Variants in AFG1L observed in about 807,000 individuals in gnomAD.
The protein encoded by AFG1L is AFG1 like ATPase.
In AFG1L, 53 loss-of-function variants were observed where a neutral mutation model predicts 62.2. That is an observed-to-expected ratio of 0.85 (90% CI 0.68 to 1.07). The LOEUF (loss-of-function observed/expected upper bound fraction) is 1.07. Among genes scored for constraint, AFG1L ranks in the 50% least tolerant of loss-of-function variants. AFG1L has a pLI of 0.00. For missense variants in AFG1L, 555 were observed against 590.5 expected (o/e 0.94, Z 0.62); for synonymous variants, 228 against 210.3 (o/e 1.08, Z -0.73).
chr6:108,379,236 C>T (rs1780389559), intron 6 of AFG1L, among the ~76,000 whole-genome samples: 1 of 152,006 alleles, frequency 6.6e-6, no homozygotes, highest in African/African-American at 2.4e-5. Flanking sequence ...GTCTTGATCT[C>T]CTGACCCAAG....
chr6:108,515,848 T>C (rs1774861363), intron 11 of AFG1L, among the ~76,000 whole-genome samples: 1 of 152,140 alleles, frequency 6.6e-6, no homozygotes, highest in Non-Finnish European at 1.5e-5. Context: ...AAATACAAAC[T>C]ACCATCAGAG....
rs74336401 is a variant in AFG1L, at chr6:108,435,679, T to A, written c.808-11535T>A. Among the ~76,000 whole-genome samples the A allele has an allele frequency of 9.0e-3, 1,367 of 152,220 alleles. 12 individuals carry two copies. The highest frequency in any genetic ancestry group is 0.013 in the Non-Finnish European group (894 of 68,018). ...TCAGGGTGTGGGTAATGAGACCTGATGATGAGTAGGTAGAGATGGGCTGTG... is the reference window on the plus strand; with the variant it reads ...TCAGGGTGTGGGTAATGAGACCTGAAGATGAGTAGGTAGAGATGGGCTGTG... On this transcript the variant is annotated intron_variant, in intron 7 of 12. Coordinates refer to ENST00000368977, the MANE Select transcript of AFG1L (RefSeq NM_145315.5).
chr6:108,524,246 G>A lies in AFG1L; in HGVS notation c.*1821G>A, dbSNP rs1775239870. On this transcript the variant is annotated 3_prime_UTR_variant, in exon 13 of 13. Coordinates refer to ENST00000368977, the MANE Select transcript of AFG1L (RefSeq NM_145315.5). ...ATAAAATGTTTAACTTTATTCTTTA[G>A]ATCTTAGCTTTTTACTTTTCACATT... 1 of 152,116 alleles carries A rather than the reference G, an allele frequency of 6.6e-6. No individual in the cohort carries two copies. The highest frequency in any genetic ancestry group is 2.1e-4 in the South Asian group (1 of 4,820). 9.4% of individuals were successfully genotyped at this position (152,116 alleles called of 1,614,324 possible). A position where few individuals can be genotyped will look rare whatever the true frequency, so the allele number is the denominator to read the frequency against.
At chr6:108,349,864 T>G (rs1185735113) in intron 3 of AFG1L, among the ~76,000 whole-genome samples, 4 of 151,336 alleles carry the variant, frequency 2.6e-5, no homozygotes, top group Non-Finnish European at 4.4e-5. Flanking sequence ...TTGCAGTGAG[T>G]TGAGATTGCA....
intron 2 of AFG1L, among the ~76,000 whole-genome samples, chr6:108,335,513 A>G (rs934011824): frequency 1.3e-5 from 2 of 152,174 alleles, no homozygotes; most frequent in African/African-American, 4.8e-5. Flanking sequence ...CCTTAACATC[A>G]GTTTTTAGCT....
At chr6:108,310,764 G>A (rs1777374304) in intron 1 of AFG1L, among the ~76,000 whole-genome samples, 1 of 151,900 alleles carries the variant, frequency 6.6e-6, no homozygotes, top group Non-Finnish European at 1.5e-5. Flanking sequence ...TATTGGTGAT[G>A]GGGTTTCGCC....
chr6:108,452,278 G>A (rs1011587680), intron 8 of AFG1L, among the ~76,000 whole-genome samples: 1 of 152,140 alleles, frequency 6.6e-6, no homozygotes, highest in African/African-American at 2.4e-5. Flanking sequence ...TTTTTAAACA[G>A]GAAGCACCAT....
intron 3 of AFG1L, among the ~76,000 whole-genome samples, chr6:108,349,280 T>A (rs1247889021): frequency 1.3e-5 from 2 of 151,860 alleles, no homozygotes; most frequent in Non-Finnish European, 2.9e-5. Context: ...GCCCAGGAGT[T>A]CAAGACCAGC....
intron 1 of AFG1L, among the ~76,000 whole-genome samples, chr6:108,319,234 A>AAATT (rs1308896269): frequency 5.9e-5 from 9 of 152,118 alleles, no homozygotes; most frequent in Admixed American, 1.3e-4. Flanking sequence ...AAACACTTTA[A>AAATT]AATTAATTAA....
In AFG1L at chr6:108,519,694, C is replaced by T; in HGVS notation, c.1204-3C>T. 1 of 1,512,876 alleles carries T rather than the reference C, an allele frequency of 6.6e-7. No homozygotes were observed. Among genetic ancestry groups the T allele is most frequent in the Non-Finnish European group, 9.1e-7 (1 of 1,094,844 alleles). 93.7% of individuals were successfully genotyped at this position (1,512,876 alleles called of 1,614,324 possible). A position where few individuals can be genotyped will look rare whatever the true frequency, so the allele number is the denominator to read the frequency against. On this transcript the variant is annotated splice_polypyrimidine_tract_variant and splice_region_variant and intron_variant, in intron 11 of 12. Coordinates refer to ENST00000368977, the MANE Select transcript of AFG1L (RefSeq NM_145315.5). ...CACATTTACCCATTTTCTTCTATTT[C>T]AGGTGCGTATAATTTGCTCTGCGTC...
intron 8 of AFG1L, among the ~76,000 whole-genome samples, chr6:108,455,668 G>C (rs1252225528): frequency 6.6e-6 from 1 of 151,860 alleles, no homozygotes; most frequent in Non-Finnish European, 1.5e-5. Context: ...ATTATGTCAT[G>C]TTTTCTCTCC....
intron 8 of AFG1L, among the ~76,000 whole-genome samples, chr6:108,450,582 G>C (rs1055759514): frequency 6.6e-6 from 1 of 152,126 alleles, no homozygotes; most frequent in African/African-American, 2.4e-5. Flanking sequence ...TTCTTTTGCT[G>C]TGCAGAAGCG....
intron 8 of AFG1L, among the ~76,000 whole-genome samples, chr6:108,464,966 C>T (rs1772608940): frequency 6.6e-6 from 1 of 152,212 alleles, no homozygotes; most frequent in Non-Finnish European, 1.5e-5. Context: ...GGAGCTGTTT[C>T]ACAGGAATGA....
intron 7 of AFG1L, among the ~76,000 whole-genome samples, chr6:108,403,167 T>TA (rs747788475): frequency 6.6e-6 from 1 of 152,172 alleles, no homozygotes; most frequent in Non-Finnish European, 1.5e-5. Context: ...GTAAAATATA[T>TA]AAAAAAATCC....
At chr6:108,507,089 A>C (rs1774450752) in intron 10 of AFG1L, among the ~76,000 whole-genome samples, 1 of 152,214 alleles carries the variant, frequency 6.6e-6, no homozygotes, top group Non-Finnish European at 1.5e-5. Flanking sequence ...TTTAAAGAAA[A>C]AAGTAGTATT....
rs10574143 is a variant in AFG1L at position 108,465,656 on chromosome 6, A to ACTG, written c.891-11185_891-11183dup. Among the ~76,000 whole-genome samples, 87 of 150,834 alleles carry ACTG rather than the reference A, an allele frequency of 5.8e-4. 1 individual carries two copies. In the South Asian group the frequency reaches 8.6e-3, roughly 15 times the overall value. On this transcript the variant is annotated intron_variant, in intron 8 of 12. Transcript: ENST00000368977. ...AAGAGGGCCCTAGAGTCATAGAGTC[A>ACTG]CTGCTGCTGCTGCTGCTGCTGCTGC...
chr6:108,519,342 A>T (rs1266521043), intron 11 of AFG1L, among the ~76,000 whole-genome samples: 1 of 152,174 alleles, frequency 6.6e-6, no homozygotes, highest in East Asian at 1.9e-4. Context: ...TGAATTTTGG[A>T]TGGGACAAAA....
intron 7 of AFG1L, among the ~76,000 whole-genome samples, chr6:108,420,553 C>T (rs1770543387): frequency 6.6e-6 from 1 of 151,270 alleles, no homozygotes; most frequent in Non-Finnish European, 1.5e-5. Context: ...TGTGTCGTTG[C>T]AATTAATAAA....
chr6:108,460,874 G>A (rs1035985554), intron 8 of AFG1L, among the ~76,000 whole-genome samples: 1 of 152,036 alleles, frequency 6.6e-6, no homozygotes, highest in Non-Finnish European at 1.5e-5. Flanking sequence ...GGAGAATTGC[G>A]TGAACCTGGA....
Sources: gnomAD v4.1 joint callset for allele counts (sites outside exome capture counted in the v4.1 genomes callset) on GRCh38, gnomAD v4.1.1 for gene constraint, MANE v1.5 for transcripts, NCBI Gene and HGNC (gene_info 2026-07-23, HGNC 2026-07-21) for gene names.